Variants in RNGTT observed in about 807,000 individuals in gnomAD.
RNGTT encodes the protein RNA guanylyltransferase and 5'-phosphatase.
RNGTT carries 33 observed loss-of-function variants against 79.3 expected under a neutral mutation model. The observed-to-expected ratio is 0.42, with a 90% CI of 0.32 to 0.56. RNGTT has a LOEUF of 0.56. Ranked by LOEUF, RNGTT falls within the 20% of genes least tolerant of loss-of-function variation. The pLI is 0.17. For missense variants in RNGTT, 497 were observed against 739.1 expected, an observed-to-expected ratio of 0.67 and a Z score of 3.80; for synonymous variants, 222 against 235.9, an observed-to-expected ratio of 0.94 and a Z score of 0.54.
intron 8 of RNGTT, among the ~76,000 whole-genome samples, chr6:88,866,839 T>C (rs1782183479): frequency 6.6e-6 from 1 of 152,318 alleles, no homozygotes; most frequent in Admixed American, 6.5e-5. Context: ...AGTATTTCCT[T>C]ATGCTGAAAA....
At chr6:88,868,884 GA>G (rs1782267121) in intron 8 of RNGTT, among the ~76,000 whole-genome samples, 1 of 151,958 alleles carries the variant, frequency 6.6e-6, no homozygotes. Flanking sequence ...ATAGAACAAT[GA>G]ACATTTTCAG....
At chr6:88,845,638 TA>T (rs1165441177) in intron 10 of RNGTT, among the ~76,000 whole-genome samples, 2 of 152,206 alleles carry the variant, frequency 1.3e-5, no homozygotes, top group African/African-American at 4.8e-5. Context: ...AATGTTTACA[TA>T]GGGGTGGCAG....
intron 13 of RNGTT, among the ~76,000 whole-genome samples, chr6:88,712,291 A>G (rs1224756654): frequency 1.3e-5 from 2 of 152,194 alleles, no homozygotes; most frequent in Admixed American, 6.5e-5. Flanking sequence ...TCGGGAAATA[A>G]AAGGTATAAT....
rs1378941946 is a variant in RNGTT at position 88,612,875 on chromosome 6, AC to A, written c.1637del (p.Cys546LeufsTer51). 1 of 1,613,538 alleles carries A rather than the reference AC, an allele frequency of 6.2e-7. No homozygotes were observed. ...PNAYNTAMAV[C>X]NSISNPVTKE... ...TGGTGACAGGGTTTGAGATGCTGTTACACACAGCTGTGGACAAAGGGAGACA... is the reference window on the plus strand; with the variant it reads ...TGGTGACAGGGTTTGAGATGCTGTTAACACAGCTGTGGACAAAGGGAGACA... On this transcript the variant is annotated frameshift_variant, in exon 16 of 16. Transcript: ENST00000369485. LOFTEE classifies it high-confidence loss of function.
chr6:88,956,341 A>G (rs945058066), intron 1 of RNGTT, among the ~76,000 whole-genome samples: 5 of 151,972 alleles, frequency 3.3e-5, no homozygotes, highest in Non-Finnish European at 7.4e-5. Flanking sequence ...AAGTAGCAAG[A>G]CTGAAACAGT....
intron 2 of RNGTT, among the ~76,000 whole-genome samples, chr6:88,931,804 C>G (rs908480019): frequency 6.6e-6 from 1 of 152,136 alleles, no homozygotes; most frequent in Non-Finnish European, 1.5e-5. Flanking sequence ...TTGTAAAATT[C>G]CTATGCCTGT....
intron 8 of RNGTT, among the ~76,000 whole-genome samples, chr6:88,871,856 C>T (rs1782365998): frequency 6.6e-6 from 1 of 152,130 alleles, no homozygotes; most frequent in Admixed American, 6.5e-5. Context: ...ATCATAAATC[C>T]CCTCTCCAGG....
At chr6:88,799,793 A>G (rs1425110862) in intron 12 of RNGTT, among the ~76,000 whole-genome samples, 1 of 151,536 alleles carries the variant, frequency 6.6e-6, no homozygotes, top group Non-Finnish European at 1.5e-5. Context: ...AAAGAGACTC[A>G]CTTATTTGTC....
intron 13 of RNGTT, among the ~76,000 whole-genome samples, chr6:88,727,757 C>G (rs543558795): frequency 2.0e-5 from 3 of 152,178 alleles, no homozygotes; most frequent in African/African-American, 4.8e-5. Flanking sequence ...TAAGAAGGCA[C>G]CAAGGACTAT....
chr6:88,811,789 A>T (rs367993096), intron 11 of RNGTT, among the ~76,000 whole-genome samples: 22 of 152,338 alleles, frequency 1.4e-4, no homozygotes, highest in African/African-American at 5.0e-4. Flanking sequence ...TTCTACTCAG[A>T]CATCTTCTGA....
chr6:88,699,692 T>C (rs1433858648), intron 13 of RNGTT, among the ~76,000 whole-genome samples: 1 of 152,044 alleles, frequency 6.6e-6, no homozygotes, highest in Non-Finnish European at 1.5e-5. Context: ...ACACAATGGA[T>C]TTTTTTAACG....
At chr6:88,674,933 C>T (rs997679271) in intron 14 of RNGTT, among the ~76,000 whole-genome samples, 16 of 151,864 alleles carry the variant, frequency 1.1e-4, no homozygotes, top group African/African-American at 2.7e-4. Flanking sequence ...CACAGCTCTA[C>T]TAAAAATACA....
At chr6:88,720,443 T>C (rs1010878245) in intron 13 of RNGTT, among the ~76,000 whole-genome samples, 11 of 152,070 alleles carry the variant, frequency 7.2e-5, no homozygotes, top group African/African-American at 1.4e-4. Context: ...TAATTTTTCA[T>C]ACAAGTTATA....
chr6:88,762,027 G>A (rs930125241), intron 13 of RNGTT, among the ~76,000 whole-genome samples: 1 of 151,934 alleles, frequency 6.6e-6, no homozygotes, highest in East Asian at 1.9e-4. Context: ...AGACCACTAG[G>A]GGATTACCAG....
chr6:88,803,878 C>A (rs1779873316), intron 11 of RNGTT, among the ~76,000 whole-genome samples: 1 of 152,024 alleles, frequency 6.6e-6, no homozygotes, highest in Non-Finnish European at 1.5e-5. Flanking sequence ...CTACCTGCTG[C>A]AGAAATGAAA....
At chr6:88,767,244 C>G (rs1778491949) in intron 13 of RNGTT, among the ~76,000 whole-genome samples, 1 of 151,932 alleles carries the variant, frequency 6.6e-6, no homozygotes, top group African/African-American at 2.4e-5. Context: ...TTTAAAGATG[C>G]ACTAGACTCA....
At chr6:88,665,788 G>A (rs551605335) in intron 14 of RNGTT, among the ~76,000 whole-genome samples, 2 of 152,188 alleles carry the variant, frequency 1.3e-5, no homozygotes, top group African/African-American at 2.4e-5. Context: ...CCTAGGCTGC[G>A]TGTTGTTCCA....
In RNGTT at chr6:88,863,944, T is replaced by C. The variant is rs78389401; in HGVS notation, c.897-10180A>G. On this transcript the variant is annotated intron_variant, in intron 8 of 15. Transcript: ENST00000369485. ...GACTGGAACCAAAAATCTCATCCAA[T>C]ATTATGAAGGTCCAACTCCTAACTA... Among the ~76,000 whole-genome samples, 430 of 152,116 alleles carry C rather than the reference T, an allele frequency of 2.8e-3. 1 individual carries two copies. Among genetic ancestry groups the C allele is most frequent in the African/African-American group, 9.6e-3 (399 of 41,508 alleles).
chr6:88,769,533 T>A, intron 13 of RNGTT, among the ~76,000 whole-genome samples: 1 of 152,080 alleles, frequency 6.6e-6, no homozygotes, highest in East Asian at 1.9e-4. Context: ...TGAAAATGAT[T>A]TTAAAACAAA....
Sources: allele counts gnomAD v4.1 joint callset (sites outside exome capture counted in the v4.1 genomes callset), GRCh38; gene constraint gnomAD v4.1.1; transcripts MANE v1.5; gene names NCBI Gene and HGNC (gene_info 2026-07-23, HGNC 2026-07-21).